The following WNK2 variants were observed in gnomAD, a reference collection of about 807,000 sequenced individuals.
WNK2 encodes the protein serine/threonine-protein kinase WNK2.
In WNK2, 67 loss-of-function variants were observed where a neutral mutation model predicts 192.1. The observed-to-expected ratio is 0.35, with a 90% CI of 0.29 to 0.43. The LOEUF (loss-of-function observed/expected upper bound fraction) is 0.43, where lower values mean the gene tolerates loss of function less well. Ranked by LOEUF, WNK2 falls within the 20% of genes least tolerant of loss-of-function variation. WNK2 has a pLI of 1.00. For synonymous variants in WNK2, 1,439 were observed against 1,393.9 expected (o/e 1.03, Z -0.72); for missense variants, 2,698 against 3,089.7 (o/e 0.87, Z 3.01).
intron 6 of WNK2, among the ~76,000 whole-genome samples, chr9:93,238,819 CA>C (rs1694384921): frequency 6.6e-6 from 1 of 152,164 alleles, no homozygotes; most frequent in African/African-American, 2.4e-5. Context: ...AACCGCTCCA[CA>C]AAGCCGGCTC....
intron 2 of WNK2, among the ~76,000 whole-genome samples, chr9:93,211,234 T>A (rs1563997244): frequency 2.1e-3 from 24 of 11,626 alleles, no homozygotes; most frequent in Admixed American, 5.6e-3. Flanking sequence ...ACTCACTCAC[T>A]CACTCATTCA....
chr9:93,221,813 C>T (rs955514448), intron 2 of WNK2, among the ~76,000 whole-genome samples: 3 of 152,066 alleles, frequency 2.0e-5, no homozygotes, highest in Admixed American at 6.6e-5. Flanking sequence ...CCATCACCTC[C>T]GTGGGAATGG....
chr9:93,299,289 C>T (rs1478042459), intron 25 of WNK2, 28 bp downstream of exon 25: 1 of 1,544,400 alleles, frequency 6.5e-7, no homozygotes, highest in African/African-American at 1.4e-5. Context: ...TGTCTCCGAG[C>T]ATGTGCTAGC....
intron 23 of WNK2, among the ~76,000 whole-genome samples, chr9:93,296,951 C>G: frequency 8.4e-6 from 1 of 119,406 alleles, no homozygotes; most frequent in East Asian, 2.8e-4. Flanking sequence ...CCCTCTGTTT[C>G]CTCCCCTCTG....
chr9:93,266,680 C>T (rs186549815), intron 16 of WNK2, among the ~76,000 whole-genome samples: 10 of 152,322 alleles, frequency 6.6e-5, no homozygotes, highest in African/African-American at 2.4e-4. Context: ...CAAGCCAGCA[C>T]TTTGTCTGGA....
At position 93,317,571 on chromosome 9, in the gene WNK2, G is replaced by A. The variant is rs746433338; in HGVS notation, c.6568G>A (p.Gly2190Ser). 1.9e-5 allele frequency: 31 copies of A among 1,613,346 alleles called. No homozygotes were observed. Among genetic ancestry groups the A allele is most frequent in the South Asian group, 1.6e-4 (15 of 91,086 alleles). The change falls in exon 29 of 30, where the codon GGC (glycine) becomes AGC (serine). Residue 2190 changes from glycine (G) to serine (S), a missense_variant. Gly to Ser is a moderately conservative substitution (Grantham distance 56, BLOSUM62 0). Around this residue, in one of 7 missense-constraint regions of WNK2, gnomAD observed 167 missense variants for 184.2 expected, o/e 0.91. Transcript: ENST00000427277. ...GATGCCACGTCTGCCCCCAGCGCCC[G>A]GCCCTCTGTCCACCACGGTCATTCC... Reference protein sequence around the residue: ...VGMPRLPPAPGPLSTTVIPGA... With the variant: ...VGMPRLPPAPSPLSTTVIPGA...
At chr9:93,283,952 T>C (rs1434249980) in intron 19 of WNK2, among the ~76,000 whole-genome samples, 3 of 152,148 alleles carry the variant, frequency 2.0e-5, no homozygotes, top group Non-Finnish European at 4.4e-5. Flanking sequence ...ATGAGAAAGA[T>C]GGACTCACTC....
intron 26 of WNK2, among the ~76,000 whole-genome samples, chr9:93,302,343 G>C (rs563759403): frequency 6.6e-6 from 1 of 152,080 alleles, no homozygotes; most frequent in African/African-American, 2.4e-5. Flanking sequence ...CGCTGAGGTC[G>C]GTGTATGGAA....
rs1447895556 is a variant in WNK2, at chr9:93,229,964, G to A, written c.854+96G>A. On this transcript the variant is annotated intron_variant, in intron 3 of 29. Coordinates refer to ENST00000427277, the MANE Select transcript of WNK2 (RefSeq NM_006648.4). The surrounding 1 kb of genome is among the most constrained non-coding windows in gnomAD (Gnocchi z 4.9). ...GTCTTGGGCTGCTGGGGTGGTCCTG[G>A]CTGGTGCCTGTGGGAGGCTGTCTCC... The A allele has an allele frequency of 4.8e-6, 7 of 1,462,276 alleles. No homozygotes were observed. Among genetic ancestry groups the A allele is most frequent in the Non-Finnish European group, 6.4e-6 (7 of 1,093,494 alleles). 90.6% of individuals were successfully genotyped at this position (1,462,276 alleles called of 1,614,324 possible). A position where few individuals can be genotyped will look rare whatever the true frequency, so the allele number is the denominator to read the frequency against.
At chr9:93,260,311 G>A (rs1397959664) in intron 12 of WNK2, among the ~76,000 whole-genome samples, 1 of 152,188 alleles carries the variant, frequency 6.6e-6, no homozygotes, top group Non-Finnish European at 1.5e-5. Flanking sequence ...TGAGGTGAGA[G>A]GGGCTAGTAT....
chr9:93,272,902 C>T (rs546289047), intron 19 of WNK2, among the ~76,000 whole-genome samples: 11 of 152,062 alleles, frequency 7.2e-5, no homozygotes, highest in South Asian at 4.1e-4. Context: ...AGTTTTAACA[C>T]GTCAATTAAA....
At chr9:93,243,111 C>T (rs943908786) in intron 7 of WNK2, among the ~76,000 whole-genome samples, 1 of 152,178 alleles carries the variant, frequency 6.6e-6, no homozygotes, top group Non-Finnish European at 1.5e-5. Flanking sequence ...CAGGATTCTA[C>T]AAGAGCAGTG....
rs1481798704 is a variant in WNK2, at chr9:93,267,873, C to T, written c.3824C>T (p.Thr1275Ile). The T allele has an allele frequency of 6.2e-7, 1 of 1,610,144 alleles. No individual in the cohort carries two copies. Among genetic ancestry groups the T allele is most frequent in the East Asian group, 2.2e-5 (1 of 44,694 alleles). ...GCCGACCGTGGCTCCGACCCAGGGACCAGCCCGCCACACCTCAGCACCTGC... is the reference window on the plus strand; with the variant it reads ...GCCGACCGTGGCTCCGACCCAGGGATCAGCCCGCCACACCTCAGCACCTGC... ...TDADRGSDPG[T>I]SPPHLSTCGL... Residue 1275 changes from threonine to isoleucine, a missense_variant, in exon 17 of 30, where the codon ACC becomes ATC. Physicochemically the swap from Thr to Ile is moderately conservative, Grantham distance 89. Around this residue, in one of 7 missense-constraint regions of WNK2, gnomAD observed 1,098 missense variants for 1,101.0 expected, o/e 1.00. Coordinates refer to ENST00000427277, the MANE Select transcript of WNK2 (RefSeq NM_006648.4).
In WNK2 at chr9:93,289,102, G is replaced by T. The variant is rs762557499; in HGVS notation, c.4348G>T (p.Val1450Leu). 5 of 1,608,440 alleles carry T rather than the reference G, an allele frequency of 3.1e-6. No individual in the cohort carries two copies. The highest frequency in any genetic ancestry group is 1.3e-5 in the African/African-American group (1 of 74,834). The change falls in exon 20 of 30, where the codon GTG (valine) becomes TTG (leucine). Residue 1450 changes from valine to leucine, a missense_variant. Transcript: ENST00000427277. The stretch of plus-strand genomic sequence containing the variant: ...GGCCCCGCTTGCTGTGCAGCCCCTC[G>T]TGGTGGGCCTAGCACCTTGCACTCC... ...HEAPLAVQPL[V>L]VGLAPCTPAP...
intron 27 of WNK2, 42 bp downstream of exon 27, chr9:93,306,863 A>G: frequency 6.2e-7 from 1 of 1,613,512 alleles, no homozygotes; most frequent in Non-Finnish European, 8.5e-7. Context: ...CTCTCATCGC[A>G]TGGGCTTTCT....
At chr9:93,269,413 A>G (rs1479652812) in intron 19 of WNK2, among the ~76,000 whole-genome samples, 5 of 152,184 alleles carry the variant, frequency 3.3e-5, no homozygotes, top group Non-Finnish European at 7.3e-5. Flanking sequence ...TCTGTAAATC[A>G]TTTTTAATTT....
At chr9:93,314,644 A>G (rs1854290039) in intron 28 of WNK2, among the ~76,000 whole-genome samples, 1 of 152,206 alleles carries the variant, frequency 6.6e-6, no homozygotes, top group Non-Finnish European at 1.5e-5. Flanking sequence ...TAAAGACCTA[A>G]TGGTCCTGGG....
intron 8 of WNK2, among the ~76,000 whole-genome samples, chr9:93,250,118 A>G (rs1842353172): frequency 6.6e-6 from 1 of 151,996 alleles, no homozygotes; most frequent in African/African-American, 2.4e-5. Flanking sequence ...ATACAAAACA[A>G]TAATAAAACA....
In WNK2 at chr9:93,256,895, C is replaced by T. The variant is rs114552832; in HGVS notation, c.2191-53C>T. On this transcript the variant is annotated intron_variant, in intron 10 of 29. Coordinates refer to ENST00000427277, the MANE Select transcript of WNK2 (RefSeq NM_006648.4). ...CCTGTCATGTGTAACCAGTGGGGTG[C>T]GCTTGTCTGGGCAGATTGGTGGTCT... The T allele has an allele frequency of 4.6e-3, 6,747 of 1,477,676 alleles. 267 individuals carry two copies. In the African/African-American group the frequency reaches 0.084, roughly 18 times the overall value. 91.5% of individuals were successfully genotyped at this position (1,477,676 alleles called of 1,614,324 possible). A position where few individuals can be genotyped will look rare whatever the true frequency, so the allele number is the denominator to read the frequency against.
Sources: allele counts gnomAD v4.1 joint callset (sites outside exome capture counted in the v4.1 genomes callset), GRCh38; gene constraint gnomAD v4.1.1; regional missense constraint gnomAD v4.1.1; non-coding constraint Gnocchi (gnomAD v3.1); transcripts MANE v1.5; gene names NCBI Gene and HGNC (gene_info 2026-07-23, HGNC 2026-07-21).